NRG1: variants seen among roughly 807,000 people sequenced by gnomAD.
The protein encoded by NRG1 is neuregulin 1, also known as pro-neuregulin-1, membrane-bound isoform.
A neutral mutation model predicts 63.8 loss-of-function variants in NRG1; 18 were observed. That is an observed-to-expected ratio of 0.28 (90% CI 0.19 to 0.42). NRG1 has a LOEUF of 0.42. NRG1 is among the 10% of genes least tolerant of loss of function. The pLI is 1.00. For synonymous variants in NRG1, 302 were observed against 301.3 expected, an observed-to-expected ratio of 1.00 and a Z score of -0.02; for missense variants, 762 against 814.7, an observed-to-expected ratio of 0.94 and a Z score of 0.79.
intron 1 of NRG1, among the ~76,000 whole-genome samples, chr8:32,146,196 A>G (rs1462365336): frequency 6.6e-6 from 1 of 152,182 alleles, no homozygotes; most frequent in Non-Finnish European, 1.5e-5. Flanking sequence ...CTCTTTAACT[A>G]TATGGGAACT....
chr8:32,696,913 C>T (rs1361067242), intron 5 of NRG1, among the ~76,000 whole-genome samples: 1 of 151,890 alleles, frequency 6.6e-6, no homozygotes, highest in Admixed American at 6.6e-5. Context: ...CCACCCACCT[C>T]GACTTCCCAA....
chr8:32,096,325 A>G (rs1173958687), intron 1 of NRG1, among the ~76,000 whole-genome samples: 2 of 152,240 alleles, frequency 1.3e-5, no homozygotes, highest in African/African-American at 4.8e-5. Flanking sequence ...ATACATATTT[A>G]TGGGATACAT....
At chr8:32,043,545 T>C (rs1820431137) in intron 1 of NRG1, among the ~76,000 whole-genome samples, 2 of 151,994 alleles carry the variant, frequency 1.3e-5, no homozygotes, top group Admixed American at 6.6e-5. Flanking sequence ...ATAGTACATA[T>C]CATCCTTTTC....
intron 1 of NRG1, among the ~76,000 whole-genome samples, chr8:32,583,276 A>G (rs1841015009): frequency 6.6e-6 from 1 of 152,164 alleles, no homozygotes; most frequent in Non-Finnish European, 1.5e-5. Flanking sequence ...GTATTGAAAT[A>G]GGTGTGGCAG....
intron 1 of NRG1, among the ~76,000 whole-genome samples, chr8:32,280,588 C>T (rs889249682): frequency 4.0e-5 from 6 of 149,852 alleles, no homozygotes; most frequent in African/African-American, 1.5e-4. Context: ...GTAGTTATTG[C>T]TGAATGTGTT....
chr8:32,588,716 C>T (rs1291196703), intron 1 of NRG1, among the ~76,000 whole-genome samples: 2 of 152,156 alleles, frequency 1.3e-5, no homozygotes, highest in Non-Finnish European at 2.9e-5. Flanking sequence ...CCATCTTAAC[C>T]CTACTTTGAA....
chr8:31,712,186 A>G (rs1037998058), intron 1 of NRG1, among the ~76,000 whole-genome samples: 2 of 129,660 alleles, frequency 1.5e-5, no homozygotes, highest in African/African-American at 3.1e-5. Context: ...ATTTCACGCT[A>G]TTATTTCTTG....
At chr8:32,311,667 G>A (rs1023125156) in intron 1 of NRG1, among the ~76,000 whole-genome samples, 7 of 152,190 alleles carry the variant, frequency 4.6e-5, no homozygotes, top group Admixed American at 2.6e-4. Context: ...GTTGGAAGAC[G>A]TGATTTATAT....
rs529462680 is a variant in NRG1, at chr8:31,856,260, T to A, written c.37+216829T>A. On this transcript the variant is annotated intron_variant, in intron 1 of 10. Transcript: ENST00000519301. Reference sequence around the variant, plus strand: ...CACTTTCAGGTACACCAATCAGACATAGATTTGGTCTTTTCACATAGTCCC... The same window carrying A: ...CACTTTCAGGTACACCAATCAGACAAAGATTTGGTCTTTTCACATAGTCCC... Among the ~76,000 whole-genome samples the A allele has an allele frequency of 2.0e-5, 3 of 152,322 alleles. No homozygotes were observed. The East Asian group carries it at 5.8e-4, about 29-fold the overall frequency.
rs115282838 is a variant in NRG1 at position 31,957,291 on chromosome 8, C to A, written c.37+317860C>A. 6.2e-3 allele frequency among the ~76,000 whole-genome samples: 941 copies of A among 151,708 alleles called. 12 individuals carry two copies. The highest frequency in any genetic ancestry group is 0.022 in the African/African-American group (901 of 41,322). On this transcript the variant is annotated intron_variant, in intron 1 of 10. Coordinates refer to the NRG1 transcript ENST00000519301. ...CAATTTTTACTGTAACACACACATA[C>A]CCATGCACTAACTTGCTTTCATATA...
rs921541590 is a variant in NRG1, at chr8:32,243,327, G to A, written c.38-352501G>A. 7.2e-5 allele frequency among the ~76,000 whole-genome samples: 11 copies of A among 151,958 alleles called. No individual in the cohort carries two copies. The East Asian group carries it at 2.1e-3, about 30-fold the overall frequency. On this transcript the variant is annotated intron_variant, in intron 1 of 10. Transcript: ENST00000519301. ...TAGTTCCAGCTATTTCTACTCAGGA[G>A]GCTGAGGCATGAGAATTGCTTGAAC...
Position 32,353,481 on chromosome 8 carries a change from A to T in NRG1, c.38-242347A>T, listed in dbSNP as rs1805915776. ...TGATTTTATTATTGTTGTAATTAAT[A>T]TAAAGAAGATAAAGAAAAATGGGCA... On this transcript the variant is annotated intron_variant, in intron 1 of 10. Coordinates refer to the NRG1 transcript ENST00000519301. Among the ~76,000 whole-genome samples the T allele has an allele frequency of 2.0e-5, 3 of 152,102 alleles. No homozygotes were observed. In the South Asian group the frequency reaches 6.2e-4, roughly 31 times the overall value.
upstream of NRG1, among the ~76,000 whole-genome samples, chr8:32,547,973 G>A (rs530173999): frequency 3.3e-5 from 5 of 152,256 alleles, no homozygotes; most frequent in Non-Finnish European, 7.4e-5. Flanking sequence ...GCGGAGGGGA[G>A]CGGGCAGCGA....
chr8:32,410,433 A>T (rs761886449), intron 1 of NRG1, among the ~76,000 whole-genome samples: 6 of 151,818 alleles, frequency 4.0e-5, no homozygotes, highest in Non-Finnish European at 8.8e-5. Context: ...TCCCAAAGTG[A>T]TGGGATTACA....
chr8:31,662,881 C>T lies in NRG1; in HGVS notation c.37+23450C>T, dbSNP rs75867136. Among the ~76,000 whole-genome samples the T allele has an allele frequency of 3.4e-3, 515 of 152,252 alleles. 3 individuals carry two copies. Among genetic ancestry groups the T allele is most frequent in the African/African-American group, 0.012 (485 of 41,544 alleles). ...TTTTTGGGTTCCTCTTCTCCTCATC[C>T]TCCTTACAACTCCTCCTGCTGATAA... On this transcript the variant is annotated intron_variant, in intron 1 of 10. Transcript: ENST00000519301.
chr8:31,959,646 G>A (rs1805072940), intron 1 of NRG1, among the ~76,000 whole-genome samples: 1 of 151,994 alleles, frequency 6.6e-6, no homozygotes, highest in African/African-American at 2.4e-5. Flanking sequence ...CAGAGAAATT[G>A]GAGATTATCT....
intron 1 of NRG1, among the ~76,000 whole-genome samples, chr8:32,405,939 T>C (rs1813912075): frequency 6.6e-6 from 1 of 152,222 alleles, no homozygotes; most frequent in Non-Finnish European, 1.5e-5. Flanking sequence ...TGTGAATTTG[T>C]CATTGACAAG....
chr8:31,715,662 T>G (rs908429683), intron 1 of NRG1, among the ~76,000 whole-genome samples: 2 of 152,210 alleles, frequency 1.3e-5, no homozygotes, highest in Non-Finnish European at 2.9e-5. Flanking sequence ...GGCACCATAA[T>G]TACTTTTAGG....
chr8:32,703,761 G>A (rs189283309), intron 5 of NRG1, among the ~76,000 whole-genome samples: 4 of 152,260 alleles, frequency 2.6e-5, no homozygotes, highest in Admixed American at 2.0e-4. Flanking sequence ...TCTTTAATTT[G>A]AGAATATTTT....
Sources: allele counts gnomAD v4.1 joint callset (sites outside exome capture counted in the v4.1 genomes callset), GRCh38; gene constraint gnomAD v4.1.1; transcripts MANE v1.5; gene names NCBI Gene and HGNC (gene_info 2026-07-23, HGNC 2026-07-21).